EYS: variants seen among roughly 807,000 people sequenced by gnomAD.
EYS encodes the protein EGF-like photoreceptor maintenance factor.
In EYS, 250 loss-of-function variants were observed where a neutral mutation model predicts 282.1. That is an observed-to-expected ratio of 0.89 (90% confidence interval 0.80 to 0.98). The LOEUF is 0.98. Among genes scored for constraint, EYS ranks in the 50% least tolerant of loss-of-function variants. The pLI, the probability that EYS is intolerant of heterozygous loss-of-function variation, is 0.00. For missense variants in EYS, 4,016 were observed against 3,709.0 expected, an observed-to-expected ratio of 1.08 and a Z score of -2.15; for synonymous variants, 1,355 against 1,282.9, an observed-to-expected ratio of 1.06 and a Z score of -1.20.
At position 65,518,513 on chromosome 6, in the gene EYS, G is replaced by A. The variant is rs148975131; in HGVS notation, c.-332-22520C>T. Among the ~76,000 whole-genome samples, 10 of 152,230 alleles carry A rather than the reference G, an allele frequency of 6.6e-5. No homozygotes were observed. The East Asian group carries it at 1.7e-3, about 26-fold the overall frequency. On this transcript the variant is annotated intron_variant, in intron 2 of 42. Transcript: ENST00000503581. ...TTGAAATATGTCTGTTCTATATTTA[G>A]TGAACACATTATCTAATCAAAAAGG...
intron 29 of EYS, among the ~76,000 whole-genome samples, chr6:64,365,056 A>C (rs1772143093): frequency 6.6e-6 from 1 of 152,002 alleles, no homozygotes; most frequent in Non-Finnish European, 1.5e-5. Context: ...ATCAAGGAAA[A>C]GTAAACATGA....
At chr6:65,679,522 T>C (rs555187195) in intron 1 of EYS, among the ~76,000 whole-genome samples, 1 of 151,862 alleles carries the variant, frequency 6.6e-6, no homozygotes, top group Non-Finnish European at 1.5e-5. Context: ...AGAATGTTGG[T>C]TGCCAGAGTC....
chr6:65,406,973 T>C (rs1766772614), intron 5 of EYS, among the ~76,000 whole-genome samples: 1 of 152,088 alleles, frequency 6.6e-6, no homozygotes, highest in Non-Finnish European at 1.5e-5. Context: ...TATAAATTTT[T>C]CTATGAGCTT....
intron 12 of EYS, among the ~76,000 whole-genome samples, chr6:65,250,247 G>C (rs1486257522): frequency 6.6e-6 from 1 of 151,976 alleles, no homozygotes; most frequent in Non-Finnish European, 1.5e-5. Context: ...ATGAAGTCTG[G>C]AGAGTGTTCT....
At position 65,164,639 on chromosome 6, in the gene EYS, C is replaced by A. The variant is rs191309751; in HGVS notation, c.2024-106912G>T. Among the ~76,000 whole-genome samples, 6 of 151,392 alleles carry A rather than the reference C, an allele frequency of 4.0e-5. No homozygotes were observed. In the East Asian group the frequency reaches 1.2e-3, roughly 30 times the overall value. ...CTGTTTTAGAAAATCTGTATTAGAT[C>A]TCTAGGGCTGTCATAACAAAACATT... On this transcript the variant is annotated intron_variant, in intron 12 of 42. Coordinates refer to ENST00000503581, the MANE Select transcript of EYS (RefSeq NM_001142800.2).
intron 10 of EYS, among the ~76,000 whole-genome samples, chr6:65,339,390 A>G (rs1770113556): frequency 6.6e-6 from 1 of 151,240 alleles, no homozygotes; most frequent in Non-Finnish European, 1.5e-5. Flanking sequence ...GTTCAAAAAT[A>G]TGTTAGTATG....
At chr6:64,767,999 T>A (rs1737509288) in intron 22 of EYS, among the ~76,000 whole-genome samples, 1 of 152,128 alleles carries the variant, frequency 6.6e-6, no homozygotes, top group African/African-American at 2.4e-5. Context: ...AGATAATACC[T>A]TATTGCGATT....
intron 5 of EYS, among the ~76,000 whole-genome samples, chr6:65,429,015 T>C (rs1056581618): frequency 9.2e-5 from 14 of 152,034 alleles, no homozygotes; most frequent in Non-Finnish European, 1.9e-4. Flanking sequence ...AAACACTCTC[T>C]ACTAAAAATA....
At chr6:63,772,581 C>T (rs1435709073) in intron 40 of EYS, among the ~76,000 whole-genome samples, 5 of 152,030 alleles carry the variant, frequency 3.3e-5, no homozygotes, top group Admixed American at 2.6e-4. Flanking sequence ...TGTCTTTAGG[C>T]TATAATCTAC....
At chr6:64,678,594 A>C (rs1228062389) in intron 22 of EYS, among the ~76,000 whole-genome samples, 1 of 152,062 alleles carries the variant, frequency 6.6e-6, no homozygotes, top group East Asian at 1.9e-4. Flanking sequence ...AGAAACAAAA[A>C]ATAATTTGAA....
intron 35 of EYS, among the ~76,000 whole-genome samples, chr6:63,960,321 T>C (rs1766003326): frequency 6.6e-6 from 1 of 152,330 alleles, no homozygotes; most frequent in Non-Finnish European, 1.5e-5. Context: ...AGCCTGAAGA[T>C]ACGACTGAAT....
At position 64,307,012 on chromosome 6, in the gene EYS, A is replaced by G. The variant is rs1769476223; in HGVS notation, c.6149T>C (p.Ile2050Thr). The change falls in exon 30 of 43, where the codon ATT (isoleucine) becomes ACT (threonine). Residue 2050 changes from isoleucine (I) to threonine (T), a missense_variant. By Grantham distance (89) the Ile-to-Thr change is moderately conservative. Coordinates refer to ENST00000503581, the MANE Select transcript of EYS (RefSeq NM_001142800.2). ...VIEINNWRSF[I>T]PSKAVKNYHI... The stretch of plus-strand genomic sequence containing the variant: ...ATAGTTTTTCACTGCCTTGGATGGA[A>G]TGAAAGATCTCCAGTTATTTATTTC... The G allele has an allele frequency of 1.9e-6, 3 of 1,545,270 alleles. No homozygotes were observed. Among genetic ancestry groups the G allele is most frequent in the Non-Finnish European group, 2.6e-6 (3 of 1,142,062 alleles).
In EYS at chr6:64,093,364, C is replaced by T. The variant is rs564546306; in HGVS notation, c.6425-11362G>A. Reference sequence around the variant, plus strand: ...TCGGGCAGTATGGCCATTTTCACGACATTGATTCTTCCTACCCATGAGCAT... The same window carrying T: ...TCGGGCAGTATGGCCATTTTCACGATATTGATTCTTCCTACCCATGAGCAT... On this transcript the variant is annotated intron_variant, in intron 31 of 42. Coordinates refer to ENST00000503581, the MANE Select transcript of EYS (RefSeq NM_001142800.2). 1.7e-3 allele frequency among the ~76,000 whole-genome samples: 258 copies of T among 152,034 alleles called. 1 individual carries two copies. The highest frequency in any genetic ancestry group is 5.9e-3 in the African/African-American group (246 of 41,476).
At chr6:65,641,746 G>T (rs1023202595) in intron 1 of EYS, among the ~76,000 whole-genome samples, 2 of 152,118 alleles carry the variant, frequency 1.3e-5, no homozygotes, top group Non-Finnish European at 2.9e-5. Context: ...AAATTTTGGA[G>T]ATCTTTATGT....
chr6:63,794,785 G>C (rs1770601411), intron 37 of EYS, among the ~76,000 whole-genome samples: 1 of 152,178 alleles, frequency 6.6e-6, no homozygotes, highest in South Asian at 2.1e-4. Context: ...AATTGACATG[G>C]TGAGAGTTTT....
At chr6:64,440,118 A>G in intron 26 of EYS, among the ~76,000 whole-genome samples, 1 of 151,780 alleles carries the variant, frequency 6.6e-6, no homozygotes, top group East Asian at 1.9e-4. Context: ...CGTCCCCAAC[A>G]CAAGCTTTCT....
chr6:64,507,728 C>G (rs1416111751), intron 26 of EYS, among the ~76,000 whole-genome samples: 2 of 146,976 alleles, frequency 1.4e-5, no homozygotes, highest in Non-Finnish European at 3.0e-5. Flanking sequence ...GGAAGAGATC[C>G]CACTCTTTCT....
intron 42 of EYS, among the ~76,000 whole-genome samples, chr6:63,722,844 G>C (rs553015545): frequency 6.6e-6 from 1 of 152,322 alleles, no homozygotes; most frequent in Non-Finnish European, 1.5e-5. Context: ...ATGTTTGGCA[G>C]CTCTATAGTT....
chr6:64,348,073 C>T (rs1163411186), intron 29 of EYS, among the ~76,000 whole-genome samples: 1 of 151,302 alleles, frequency 6.6e-6, no homozygotes, highest in African/African-American at 2.4e-5. Context: ...TCTATAACCA[C>T]TAGAGTAGCC....
Sources: allele counts gnomAD v4.1 joint callset (sites outside exome capture counted in the v4.1 genomes callset), GRCh38; gene constraint gnomAD v4.1.1; transcripts MANE v1.5; gene names NCBI Gene and HGNC (gene_info 2026-07-23, HGNC 2026-07-21).